CNTN5: variants seen among roughly 807,000 people sequenced by gnomAD.
CNTN5 encodes contactin-5.
CNTN5 carries 77 observed loss-of-function variants against 129.1 expected under a neutral mutation model. The ratio of observed to expected loss-of-function variants is 0.60; its 90% CI spans 0.50 to 0.72. The LOEUF (loss-of-function observed/expected upper bound fraction) is 0.72. CNTN5 is among the 30% of genes least tolerant of loss of function. The probability of loss-of-function intolerance (pLI) is 0.00; values close to 1 mark genes in which losing one functional copy is unlikely to be tolerated. For synonymous variants in CNTN5, 509 were observed against 465.6 expected, an observed-to-expected ratio of 1.09 and a Z score of -1.20; for missense variants, 1,478 against 1,328.8, an observed-to-expected ratio of 1.11 and a Z score of -1.75.
chr11:99,705,323 G>A (rs1457495649), intron 3 of CNTN5, among the ~76,000 whole-genome samples: 1 of 151,288 alleles, frequency 6.6e-6, no homozygotes, highest in Non-Finnish European at 1.5e-5. Context: ...AAGAGTTACT[G>A]AAATTTCTCA....
intron 3 of CNTN5, among the ~76,000 whole-genome samples, chr11:99,613,216 C>T (rs1158880517): frequency 6.6e-6 from 1 of 152,130 alleles, no homozygotes; most frequent in Admixed American, 6.5e-5. Flanking sequence ...AGAAAGAGAC[C>T]AGGTGGAGGT....
At chr11:100,286,250 C>T (rs1302582152) in intron 18 of CNTN5, among the ~76,000 whole-genome samples, 2 of 152,330 alleles carry the variant, frequency 1.3e-5, no homozygotes, top group East Asian at 3.9e-4. Context: ...GGGTGGAGCC[C>T]ACCACAGCTC....
intron 3 of CNTN5, among the ~76,000 whole-genome samples, chr11:99,765,629 C>A (rs908414653): frequency 6.7e-6 from 1 of 150,142 alleles, no homozygotes; most frequent in Non-Finnish European, 1.5e-5. Context: ...AACTTTTTAG[C>A]CTTTCAGATG....
intron 13 of CNTN5, among the ~76,000 whole-genome samples, chr11:100,090,054 A>G (rs1944698118): frequency 6.6e-6 from 1 of 152,132 alleles, no homozygotes; most frequent in Admixed American, 6.6e-5. Context: ...TTTAAATTAC[A>G]CTTTTAAAAT....
intron 9 of CNTN5, among the ~76,000 whole-genome samples, chr11:100,034,559 C>T (rs1941881363): frequency 6.6e-6 from 1 of 152,214 alleles, no homozygotes; most frequent in African/African-American, 2.4e-5. Context: ...TTGCTGCATA[C>T]AGAGTGTCCT....
intron 3 of CNTN5, among the ~76,000 whole-genome samples, chr11:99,596,522 A>T (rs542679940): frequency 1.3e-5 from 2 of 152,200 alleles, no homozygotes; most frequent in Non-Finnish European, 2.9e-5. Context: ...AGATTTAGGG[A>T]AAAAGCTCAT....
At chr11:100,223,491 T>C (rs1949310092) in intron 15 of CNTN5, among the ~76,000 whole-genome samples, 1 of 152,166 alleles carries the variant, frequency 6.6e-6, no homozygotes, top group African/African-American at 2.4e-5. Context: ...ATTTGTCTAG[T>C]TTTTATGATT....
chr11:100,190,143 T>A (rs561536596), intron 13 of CNTN5, among the ~76,000 whole-genome samples: 1 of 152,232 alleles, frequency 6.6e-6, no homozygotes, highest in Admixed American at 6.5e-5. Context: ...TTTAATATTA[T>A]CATACTGCCA....
At chr11:100,057,796 CAT>C (rs907061614) in intron 9 of CNTN5, among the ~76,000 whole-genome samples, 8 of 151,956 alleles carry the variant, frequency 5.3e-5, no homozygotes, top group African/African-American at 1.7e-4. Flanking sequence ...ATACAGAAAA[CAT>C]ATATTCATAC....
intron 8 of CNTN5, among the ~76,000 whole-genome samples, chr11:99,987,300 T>G (rs7933349): frequency 0.26 from 39,498 of 151,740 alleles, 5,174 homozygotes; most frequent in East Asian, 0.35. Flanking sequence ...AAAACAGATA[T>G]GGAACAAATG....
chr11:99,299,565 G>T (rs1474055812), intron 1 of CNTN5, among the ~76,000 whole-genome samples: 3 of 152,082 alleles, frequency 2.0e-5, no homozygotes, highest in Middle Eastern at 3.2e-3. Flanking sequence ...CATGTGGAAT[G>T]GTCTCCAATG....
chr11:99,089,848 A>G, intron 1 of CNTN5, among the ~76,000 whole-genome samples: 1 of 152,128 alleles, frequency 6.6e-6, no homozygotes, highest in African/African-American at 2.4e-5. Context: ...TAGCCTTGTC[A>G]TTTGGCATAC....
At chr11:100,321,291 ATTT>A (rs35937617) in intron 21 of CNTN5, among the ~76,000 whole-genome samples, 22 of 134,598 alleles carry the variant, frequency 1.6e-4, no homozygotes, top group South Asian at 6.9e-4. Flanking sequence ...ATTCCTAAGT[ATTT>A]TTTTTTTTTT....
At chr11:100,348,127 T>A (rs948254827) in intron 23 of CNTN5, among the ~76,000 whole-genome samples, 2 of 152,006 alleles carry the variant, frequency 1.3e-5, no homozygotes, top group Non-Finnish European at 1.5e-5. Context: ...AACATAGCTG[T>A]CATTGCAACT....
intron 13 of CNTN5, among the ~76,000 whole-genome samples, chr11:100,174,462 C>T (rs1381718591): frequency 6.6e-6 from 1 of 152,018 alleles, no homozygotes; most frequent in Non-Finnish European, 1.5e-5. Context: ...TATACTGTCT[C>T]CACAAAAATA....
chr11:100,238,508 A>AAGGGGGAAGAGGAGG, intron 16 of CNTN5, among the ~76,000 whole-genome samples: 1 of 134,022 alleles, frequency 7.5e-6, no homozygotes, highest in Non-Finnish European at 1.6e-5. Flanking sequence ...GGAGGAGGAG[A>AAGGGGGAAGAGGAGG]AGGGGGAAGA....
intron 2 of CNTN5, among the ~76,000 whole-genome samples, chr11:99,411,395 CTG>C (rs1436352562): frequency 6.6e-6 from 1 of 152,100 alleles, no homozygotes; most frequent in East Asian, 1.9e-4. Flanking sequence ...TGGTGCCCAC[CTG>C]TAGTCCCAGC....
chr11:99,692,148 T>C (rs1010137858), intron 3 of CNTN5, among the ~76,000 whole-genome samples: 10 of 152,276 alleles, frequency 6.6e-5, no homozygotes, highest in African/African-American at 2.2e-4. Flanking sequence ...GCATGTGAGA[T>C]AGGTCTCTTG....
At chr11:100,273,685 T>C (rs948055652) in intron 18 of CNTN5, among the ~76,000 whole-genome samples, 1 of 151,884 alleles carries the variant, frequency 6.6e-6, no homozygotes, top group African/African-American at 2.4e-5. Context: ...AGGCCCAACC[T>C]CAACTGCATT....
Sources: allele counts gnomAD v4.1 joint callset (sites outside exome capture counted in the v4.1 genomes callset), GRCh38; gene constraint gnomAD v4.1.1; transcripts MANE v1.5; gene names NCBI Gene and HGNC (gene_info 2026-07-23, HGNC 2026-07-21).